The following CADM2 variants were observed in gnomAD, a reference collection of about 807,000 sequenced individuals.
CADM2 encodes immunoglobulin superfamily member 4D.
A neutral mutation model predicts 49.8 loss-of-function variants in CADM2; 12 were observed. That is an observed-to-expected ratio of 0.24 (90% CI 0.15 to 0.39). CADM2 has a LOEUF of 0.39. Ranked by LOEUF, CADM2 falls within the 10% of genes least tolerant of loss-of-function variation. The pLI, the probability that CADM2 is intolerant of heterozygous loss-of-function variation, is 1.00. For synonymous variants in CADM2, 214 were observed against 175.4 expected (o/e 1.22, Z -1.74); for missense variants, 378 against 492.3 (o/e 0.77, Z 2.20).
At chr3:85,331,457 T>A (rs915227374) in intron 1 of CADM2, among the ~76,000 whole-genome samples, 16 of 151,748 alleles carry the variant, frequency 1.1e-4, no homozygotes, top group Admixed American at 2.0e-4. Flanking sequence ...GTGTGTTGGT[T>A]TTCTCATGAC....
At chr3:85,469,550 A>G (rs982355662) in intron 1 of CADM2, among the ~76,000 whole-genome samples, 1 of 152,142 alleles carries the variant, frequency 6.6e-6, no homozygotes, top group African/African-American at 2.4e-5. Flanking sequence ...ATCAGTCAGG[A>G]ATGAGCATTC....
chr3:85,790,354 T>C (rs2071249969), intron 2 of CADM2, among the ~76,000 whole-genome samples: 1 of 152,216 alleles, frequency 6.6e-6, no homozygotes, highest in African/African-American at 2.4e-5. Context: ...TTATGTGTTA[T>C]CTGGGTCACC....
intron 6 of CADM2, among the ~76,000 whole-genome samples, chr3:85,933,021 T>C (rs924532585): frequency 6.6e-6 from 1 of 152,194 alleles, no homozygotes; most frequent in African/African-American, 2.4e-5. Context: ...TCGCCTCTCC[T>C]GTACTGCTTA....
chr3:85,899,887 T>C (rs577754343), intron 5 of CADM2, among the ~76,000 whole-genome samples: 2 of 152,238 alleles, frequency 1.3e-5, no homozygotes, highest in African/African-American at 4.8e-5. Context: ...CACTGATTAG[T>C]TCTTAAGCGA....
chr3:85,048,086 G>T (rs2035736642), intron 1 of CADM2, among the ~76,000 whole-genome samples: 2 of 151,622 alleles, frequency 1.3e-5, no homozygotes, highest in Non-Finnish European at 2.9e-5. Context: ...TTTTTTCAAG[G>T]AACTCCCAAT....
chr3:85,636,274 C>T (rs1039991671), intron 1 of CADM2, among the ~76,000 whole-genome samples: 3 of 151,938 alleles, frequency 2.0e-5, no homozygotes, highest in African/African-American at 7.3e-5. Context: ...TGATCCTGAC[C>T]CTGTGTATGC....
chr3:85,810,547 T>C (rs1260717327), intron 3 of CADM2, among the ~76,000 whole-genome samples: 1 of 139,822 alleles, frequency 7.2e-6, no homozygotes, highest in African/African-American at 2.8e-5. Flanking sequence ...TTTTTTTTTT[T>C]TTTTTTTTTG....
intron 6 of CADM2, among the ~76,000 whole-genome samples, chr3:85,931,026 C>T (rs1340341353): frequency 6.6e-6 from 1 of 151,636 alleles, no homozygotes; most frequent in African/African-American, 2.4e-5. Context: ...TTCATTTAAG[C>T]ATTTAAAAAT....
chr3:85,047,810 T>C (rs910358246), intron 1 of CADM2, among the ~76,000 whole-genome samples: 1 of 152,134 alleles, frequency 6.6e-6, no homozygotes, highest in Non-Finnish European at 1.5e-5. Context: ...AAGAAGAATA[T>C]GACATACAAA....
rs7644078 is a variant in CADM2, at chr3:85,768,551, A to G, written c.89-33496A>G. ...AATATGAACAAAACTTCTTGGCTAA[A>G]TTGATAAGTCTACACAATAGCAATC... On this transcript the variant is annotated intron_variant, in intron 2 of 9. Transcript: ENST00000383699. Among the ~76,000 whole-genome samples, 389 of 149,300 alleles carry G rather than the reference A, an allele frequency of 2.6e-3. 1 individual carries two copies. The highest frequency in any genetic ancestry group is 9.2e-3 in the African/African-American group (377 of 41,018).
chr3:85,146,106 C>T (rs2039730679), intron 1 of CADM2, among the ~76,000 whole-genome samples: 1 of 152,046 alleles, frequency 6.6e-6, no homozygotes, highest in African/African-American at 2.4e-5. Flanking sequence ...TGTTTATATC[C>T]CTTAGGATTG....
At chr3:85,403,555 C>T (rs1021360447) in intron 1 of CADM2, among the ~76,000 whole-genome samples, 2 of 152,124 alleles carry the variant, frequency 1.3e-5, no homozygotes, top group African/African-American at 4.8e-5. Flanking sequence ...TATACAGAGA[C>T]ATGCATGGTG....
intron 1 of CADM2, among the ~76,000 whole-genome samples, chr3:85,140,399 T>C (rs984187417): frequency 2.0e-5 from 3 of 152,142 alleles, no homozygotes; most frequent in Admixed American, 1.3e-4. Flanking sequence ...GTAAGAACAT[T>C]ATAAGGAAAG....
At chr3:85,698,304 T>C (rs1280300346) in intron 1 of CADM2, among the ~76,000 whole-genome samples, 1 of 152,224 alleles carries the variant, frequency 6.6e-6, no homozygotes, top group Non-Finnish European at 1.5e-5. Context: ...CATCAAGTAG[T>C]CAGACTTCTT....
At chr3:85,297,737 T>G (rs2044000697) in intron 1 of CADM2, among the ~76,000 whole-genome samples, 1 of 152,048 alleles carries the variant, frequency 6.6e-6, no homozygotes, top group Admixed American at 6.6e-5. Flanking sequence ...GAAACCTACA[T>G]ATTGATCCGT....
At position 85,360,753 on chromosome 3, in the gene CADM2, C is replaced by G. The variant is rs569611931; in HGVS notation, c.62-365769C>G. On this transcript the variant is annotated intron_variant, in intron 1 of 9. Transcript: ENST00000383699. ...TTGCCACTGCCCTGGTCCGAATCCT[C>G]TTTACATTTTATTGAAGCATCACAA... Among the ~76,000 whole-genome samples, 7 of 152,296 alleles carry G rather than the reference C, an allele frequency of 4.6e-5. No homozygotes were observed. The East Asian group carries it at 1.2e-3, about 25-fold the overall frequency.
At chr3:85,986,826 G>A (rs1430740010) in intron 8 of CADM2, among the ~76,000 whole-genome samples, 1 of 152,000 alleles carries the variant, frequency 6.6e-6, no homozygotes. Flanking sequence ...GTATCACATC[G>A]TACATGCTTT....
chr3:85,949,768 A>G (rs1380386748), intron 7 of CADM2, among the ~76,000 whole-genome samples: 1 of 151,176 alleles, frequency 6.6e-6, no homozygotes, highest in Non-Finnish European at 1.5e-5. Context: ...AAGCAGTAGT[A>G]TAATGATAAC....
At chr3:85,577,686 T>C (rs957304234) in intron 1 of CADM2, among the ~76,000 whole-genome samples, 2 of 152,182 alleles carry the variant, frequency 1.3e-5, no homozygotes, top group African/African-American at 4.8e-5. Context: ...CTATATTTCA[T>C]GTTTTATTTT....
Sources: gnomAD v4.1 joint callset for allele counts (sites outside exome capture counted in the v4.1 genomes callset) on GRCh38, gnomAD v4.1.1 for gene constraint, MANE v1.5 for transcripts, NCBI Gene and HGNC (gene_info 2026-07-23, HGNC 2026-07-21) for gene names.